The following ULK4 variants were observed in gnomAD, a reference collection of about 807,000 sequenced individuals.
ULK4 encodes the protein inactive serine/threonine-protein kinase ULK4.
A neutral mutation model predicts 160.6 loss-of-function variants in ULK4; 133 were observed. The observed-to-expected ratio is 0.83, with a 90% CI of 0.72 to 0.96. ULK4 has a LOEUF of 0.96. Ranked by LOEUF, ULK4 falls within the 40% of genes least tolerant of loss-of-function variation. ULK4 has a pLI of 0.00. For synonymous variants in ULK4, 534 were observed against 539.8 expected (o/e 0.99, Z 0.15); for missense variants, 1,580 against 1,499.5 (o/e 1.05, Z -0.89).
At chr3:41,305,613 C>G (rs10048998) in intron 35 of ULK4, among the ~76,000 whole-genome samples, 23,445 of 151,950 alleles carry the variant, frequency 0.15, 2,162 homozygotes, top group African/African-American at 0.25. Flanking sequence ...CCCAAAGTGC[C>G]GAGACTGCAG....
At chr3:41,300,857 A>ATT (rs2079778855) in intron 35 of ULK4, among the ~76,000 whole-genome samples, 1 of 98,480 alleles carries the variant, frequency 1.0e-5, no homozygotes, top group Non-Finnish European at 1.9e-5. Flanking sequence ...ATATATATAT[A>ATT]TATATATATA....
chr3:41,630,881 G>T (rs1291795376), intron 30 of ULK4, among the ~76,000 whole-genome samples: 1 of 152,138 alleles, frequency 6.6e-6, no homozygotes, highest in Non-Finnish European at 1.5e-5. Flanking sequence ...TAGTTAGGAG[G>T]TTTAGATTTC....
intron 34 of ULK4, among the ~76,000 whole-genome samples, chr3:41,429,892 AT>A (rs1279629410): frequency 1.3e-5 from 2 of 152,216 alleles, no homozygotes; most frequent in Non-Finnish European, 2.9e-5. Context: ...CTGCACATGT[AT>A]CCCAGATGTA....
intron 22 of ULK4, among the ~76,000 whole-genome samples, chr3:41,728,620 C>T (rs1053931322): frequency 6.6e-6 from 1 of 151,986 alleles, no homozygotes; most frequent in African/African-American, 2.4e-5. Context: ...AGGACTGAGT[C>T]ATGGAACTAC....
intron 35 of ULK4, among the ~76,000 whole-genome samples, chr3:41,383,300 T>C (rs1346428690): frequency 1.3e-5 from 2 of 152,132 alleles, no homozygotes; most frequent in African/African-American, 4.8e-5. Context: ...GTTTTCACCA[T>C]GTTTGCCAGG....
At chr3:41,400,169 A>T (rs956895850) in intron 34 of ULK4, among the ~76,000 whole-genome samples, 1 of 152,162 alleles carries the variant, frequency 6.6e-6, no homozygotes, top group African/African-American at 2.4e-5. Context: ...ACAATATCAC[A>T]GCTAGAACCT....
chr3:41,702,365 G>C (rs939040624), intron 27 of ULK4, among the ~76,000 whole-genome samples: 1 of 152,050 alleles, frequency 6.6e-6, no homozygotes, highest in Non-Finnish European at 1.5e-5. Context: ...GGCTGGTCTT[G>C]AACTCCCAAC....
At chr3:41,615,827 A>C in intron 30 of ULK4, 110 bp from the exon 31 acceptor site, 1 of 946,658 alleles carries the variant, frequency 1.1e-6, no homozygotes, top group Non-Finnish European at 1.6e-6. Flanking sequence ...AAATTCCATG[A>C]TAAGAAATAG....
rs1245550641 is a variant in ULK4 at position 41,778,372 on chromosome 3, T to C, written c.2193+11289A>G. On this transcript the variant is annotated intron_variant, in intron 21 of 36. Transcript: ENST00000301831. The stretch of plus-strand genomic sequence containing the variant: ...TGGAAGAACATTCCATGCTCATGGG[T>C]AGGAAGAATCAATATCGTGAAAATG... Among the ~76,000 whole-genome samples, 3 of 14,156 alleles carry C rather than the reference T, an allele frequency of 2.1e-4. No individual in the cohort carries two copies. The East Asian group carries it at 4.5e-3, about 21-fold the overall frequency. The allele number at this position is 14,156 out of a possible 152,430, so 9.3% of individuals were successfully genotyped here.
intron 35 of ULK4, among the ~76,000 whole-genome samples, chr3:41,267,403 C>A (rs987818204): frequency 6.6e-6 from 1 of 152,016 alleles, no homozygotes; most frequent in African/African-American, 2.4e-5. Context: ...TTTCTTTATC[C>A]GGTCTATCAT....
chr3:41,574,241 T>C (rs190191711), intron 31 of ULK4, among the ~76,000 whole-genome samples: 1 of 152,272 alleles, frequency 6.6e-6, no homozygotes, highest in Admixed American at 6.5e-5. Context: ...TCATCTCCCT[T>C]TGCCTTCACA....
At position 41,375,488 on chromosome 3, in the gene ULK4, C is replaced by T. The variant is rs1480470431; in HGVS notation, c.3678+22591G>A. Among the ~76,000 whole-genome samples the T allele has an allele frequency of 2.0e-5, 3 of 150,146 alleles. 1 individual carries two copies. The highest frequency in any genetic ancestry group is 4.1e-4 in the East Asian group (2 of 4,822). ...AGAAATAACACCATGTGTCTACAACCATCTGATCTTTGACAAACCTGACAA... is the reference window on the plus strand; with the variant it reads ...AGAAATAACACCATGTGTCTACAACTATCTGATCTTTGACAAACCTGACAA... On this transcript the variant is annotated intron_variant, in intron 35 of 36. Transcript: ENST00000301831.
chr3:41,350,112 G>A (rs182990609), intron 35 of ULK4, among the ~76,000 whole-genome samples: 126 of 152,070 alleles, frequency 8.3e-4, no homozygotes, highest in African/African-American at 2.9e-3. Context: ...CTTGCTATTC[G>A]TTATATTTAA....
At chr3:41,394,901 A>G (rs970015160) in intron 35 of ULK4, among the ~76,000 whole-genome samples, 1 of 152,128 alleles carries the variant, frequency 6.6e-6, no homozygotes, top group Non-Finnish European at 1.5e-5. Context: ...CATTATGGGC[A>G]TTCTTGAACA....
intron 35 of ULK4, among the ~76,000 whole-genome samples, chr3:41,346,291 C>G (rs1395999182): frequency 6.6e-6 from 1 of 152,154 alleles, no homozygotes; most frequent in Non-Finnish European, 1.5e-5. Flanking sequence ...TTCCACGACC[C>G]ACCACTCATG....
chr3:41,430,839 C>A (rs1302336576), intron 34 of ULK4, among the ~76,000 whole-genome samples: 2 of 152,068 alleles, frequency 1.3e-5, no homozygotes, highest in African/African-American at 4.8e-5. Flanking sequence ...TATTAAATAT[C>A]CACATTATTT....
intron 32 of ULK4, among the ~76,000 whole-genome samples, chr3:41,493,200 T>C (rs1269846327): frequency 3.6e-5 from 5 of 140,672 alleles, no homozygotes; most frequent in Non-Finnish European, 7.8e-5. Flanking sequence ...TCAGCAAATG[T>C]AAAAGAACAG....
At chr3:41,490,821 A>G (rs2084728954) in intron 32 of ULK4, among the ~76,000 whole-genome samples, 1 of 152,198 alleles carries the variant, frequency 6.6e-6, no homozygotes, top group African/African-American at 2.4e-5. Flanking sequence ...AGACTATAAG[A>G]TAACACTACT....
chr3:41,887,920 T>G (rs1194167183), intron 16 of ULK4, among the ~76,000 whole-genome samples: 1 of 151,874 alleles, frequency 6.6e-6, no homozygotes, highest in Non-Finnish European at 1.5e-5. Context: ...CCCCAGCACT[T>G]TAGGAGGATG....
Sources: allele counts gnomAD v4.1 joint callset (sites outside exome capture counted in the v4.1 genomes callset), GRCh38; gene constraint gnomAD v4.1.1; transcripts MANE v1.5; gene names NCBI Gene and HGNC (gene_info 2026-07-23, HGNC 2026-07-21).